Variants in NUP155 observed in about 807,000 individuals in gnomAD.
NUP155 encodes the protein nucleoporin 155.
In NUP155, 71 loss-of-function variants were observed where a neutral mutation model predicts 180.4. The ratio of observed to expected loss-of-function variants is 0.39; its 90% CI spans 0.33 to 0.48. The LOEUF (loss-of-function observed/expected upper bound fraction) is 0.48, where lower values mean the gene tolerates loss of function less well. Ranked by LOEUF, NUP155 falls within the 20% of genes least tolerant of loss-of-function variation. The pLI, the probability that NUP155 is intolerant of heterozygous loss-of-function variation, is 0.91. For synonymous variants in NUP155, 582 were observed against 559.5 expected, an observed-to-expected ratio of 1.04 and a Z score of -0.57; for missense variants, 1,553 against 1,648.9, an observed-to-expected ratio of 0.94 and a Z score of 1.01.
At chr5:37,328,560 G>A (rs2150964598) in intron 16 of NUP155, 140 bp from the exon 17 acceptor site, 2 of 653,038 alleles carry the variant, frequency 3.1e-6, no homozygotes, top group Admixed American at 4.4e-5. Flanking sequence ...CTGGAGTGCA[G>A]TGGCATGATC....
intron 32 of NUP155, among the ~76,000 whole-genome samples, chr5:37,296,486 C>T (rs1402375019): frequency 1.3e-5 from 2 of 151,410 alleles, no homozygotes; most frequent in Admixed American, 6.6e-5. Flanking sequence ...CAGCATGCGG[C>T]AGCATGCTTG....
intron 3 of NUP155, among the ~76,000 whole-genome samples, chr5:37,361,186 G>C (rs569779965): frequency 6.8e-6 from 1 of 146,168 alleles, no homozygotes; most frequent in Non-Finnish European, 1.5e-5. Context: ...AGAAGTGCTT[G>C]AACCCAGGAG....
chr5:37,292,157 T>TA (rs1302861512), intron 34 of NUP155, 119 bp from the exon 35 acceptor site: 2 of 893,494 alleles, frequency 2.2e-6, no homozygotes, highest in Middle Eastern at 2.2e-4. Context: ...ACCATGTGAT[T>TA]AAGTAAATAA....
At chr5:37,310,786 T>C in intron 22 of NUP155, 43 bp from the exon 23 acceptor site, 2 of 1,398,710 alleles carry the variant, frequency 1.4e-6, no homozygotes, top group Non-Finnish European at 2.0e-6. Context: ...AGAAATACCA[T>C]ATTTCTAAAC....
intron 22 of NUP155, among the ~76,000 whole-genome samples, chr5:37,311,772 C>T (rs546281815): frequency 1.3e-5 from 2 of 150,854 alleles, no homozygotes; most frequent in Non-Finnish European, 2.9e-5. Flanking sequence ...GTAATCCCAG[C>T]ACTTTGGGAG....
chr5:37,310,717 G>A lies in NUP155; in HGVS notation c.2463C>T (p.Thr821=), dbSNP rs774235001. 6.2e-7 allele frequency: 1 copy of A among 1,613,552 alleles called. No individual in the cohort carries two copies. The highest frequency in any genetic ancestry group is 1.1e-5 in the South Asian group (1 of 91,056). Residue 821 remains threonine, a synonymous_variant, in exon 23 of 35, where the codon ACC becomes ACT. Transcript: ENST00000231498. The part of the protein sequence containing the change: ...QKELQEQLKI[T]TFKDLVIRDK... The stretch of plus-strand genomic sequence containing the variant: ...CCCTGATTACAAGATCTTTAAAGGT[G>A]GTGATCTTCAGCTGCTCTTGAAGTT...
At position 37,362,221 on chromosome 5, in the gene NUP155, C is replaced by T. The variant is rs372190496; in HGVS notation, c.392+1667G>A. 4.6e-5 allele frequency among the ~76,000 whole-genome samples: 7 copies of T among 152,024 alleles called. No individual in the cohort carries two copies. The South Asian group carries it at 1.2e-3, about 27-fold the overall frequency. ...CCTACCACAACAACAGTGTCAGATA[C>T]ATAAGATCAATATGTATGTGTTAAA... On this transcript the variant is annotated intron_variant, in intron 3 of 34. Coordinates refer to ENST00000231498, the MANE Select transcript of NUP155 (RefSeq NM_153485.3).
At chr5:37,370,000 C>T (rs941651045) in intron 1 of NUP155, among the ~76,000 whole-genome samples, 18 of 152,204 alleles carry the variant, frequency 1.2e-4, no homozygotes, top group African/African-American at 4.3e-4. Flanking sequence ...TGTGATTTCC[C>T]TGTTCTCTTT....
intron 20 of NUP155, among the ~76,000 whole-genome samples, chr5:37,323,374 C>T (rs1248743419): frequency 6.6e-6 from 1 of 152,084 alleles, no homozygotes; most frequent in Non-Finnish European, 1.5e-5. Context: ...TATCTATCAA[C>T]TGATAAACTG....
At chr5:37,362,572 G>A (rs1747293394) in intron 3 of NUP155, among the ~76,000 whole-genome samples, 1 of 152,088 alleles carries the variant, frequency 6.6e-6, no homozygotes. Context: ...ACAGGCATGA[G>A]CCACCATGCC....
chr5:37,365,663 G>T (rs1246893373), intron 1 of NUP155, among the ~76,000 whole-genome samples: 2 of 133,714 alleles, frequency 1.5e-5, no homozygotes, highest in African/African-American at 5.5e-5. Context: ...AGCCAAGATC[G>T]TGCCACTGCA....
intron 4 of NUP155, among the ~76,000 whole-genome samples, chr5:37,353,362 C>T (rs926196947): frequency 6.6e-6 from 1 of 152,050 alleles, no homozygotes; most frequent in Non-Finnish European, 1.5e-5. Flanking sequence ...GCAGGCAAAT[C>T]ACCTGAGGTC....
At chr5:37,369,178 T>C (rs892642611) in intron 1 of NUP155, among the ~76,000 whole-genome samples, 2 of 151,822 alleles carry the variant, frequency 1.3e-5, no homozygotes, top group African/African-American at 4.8e-5. Context: ...CTTGAGCTCA[T>C]GAGTTAGAGG....
At chr5:37,324,367 AC>A (rs1190164064) in intron 19 of NUP155, among the ~76,000 whole-genome samples, 3 of 152,192 alleles carry the variant, frequency 2.0e-5, no homozygotes, top group African/African-American at 7.2e-5. Context: ...CACCCAGACC[AC>A]AATACAGAAA....
chr5:37,297,321 C>T (rs1742640236), intron 32 of NUP155, among the ~76,000 whole-genome samples: 1 of 151,910 alleles, frequency 6.6e-6, no homozygotes, highest in African/African-American at 2.4e-5. Flanking sequence ...ACAAAGCCCA[C>T]ATGATTATTT....
chr5:37,348,056 C>T (rs950225352), intron 9 of NUP155, among the ~76,000 whole-genome samples: 6 of 152,282 alleles, frequency 3.9e-5, no homozygotes, highest in South Asian at 2.1e-4. Context: ...ATCGCTTGAA[C>T]GCGCGAGGCA....
intron 13 of NUP155, among the ~76,000 whole-genome samples, chr5:37,332,927 G>A (rs183855742): frequency 1.3e-5 from 2 of 151,956 alleles, no homozygotes; most frequent in Non-Finnish European, 2.9e-5. Flanking sequence ...CCACACTCCA[G>A]CCTGGGTGAC....
intron 16 of NUP155, 64 bp from the exon 17 acceptor site, chr5:37,328,484 A>C: frequency 8.3e-7 from 1 of 1,198,126 alleles, no homozygotes; most frequent in Non-Finnish European, 1.2e-6. Context: ...GAATGTGATC[A>C]AAATTAGGTA....
intron 3 of NUP155, among the ~76,000 whole-genome samples, 186 bp from the exon 4 acceptor site, chr5:37,358,337 A>G (rs1746980749): frequency 6.6e-6 from 1 of 152,030 alleles, no homozygotes; most frequent in African/African-American, 2.4e-5. Flanking sequence ...AAAATTAGCC[A>G]GGCATGGGGG....
Sources: allele counts gnomAD v4.1 joint callset (sites outside exome capture counted in the v4.1 genomes callset), GRCh38; gene constraint gnomAD v4.1.1; transcripts MANE v1.5; gene names NCBI Gene and HGNC (gene_info 2026-07-23, HGNC 2026-07-21).